DCLK1: variants seen among roughly 807,000 people sequenced by gnomAD.
DCLK1 encodes the protein serine/threonine-protein kinase DCLK1.
In DCLK1, 16 loss-of-function variants were observed where a neutral mutation model predicts 86.2. That is an observed-to-expected ratio of 0.19 (90% CI 0.13 to 0.28). The LOEUF is 0.28. Among genes scored for constraint, DCLK1 ranks in the 10% least tolerant of loss-of-function variants. The pLI, the probability that DCLK1 is intolerant of heterozygous loss-of-function variation, is 1.00. For synonymous variants in DCLK1, 369 were observed against 370.5 expected (o/e 1.00, Z 0.05); for missense variants, 590 against 940.2 (o/e 0.63, Z 4.87).
chr13:36,059,476 G>T (rs1410790995), intron 3 of DCLK1, among the ~76,000 whole-genome samples: 4 of 151,906 alleles, frequency 2.6e-5, no homozygotes, highest in Admixed American at 6.6e-5. Flanking sequence ...ATAAAATCAA[G>T]ATCTTTGTCC....
intron 4 of DCLK1, 36 bp from the exon 5 acceptor site, chr13:35,871,376 G>A: frequency 6.6e-7 from 1 of 1,516,254 alleles, no homozygotes; most frequent in South Asian, 1.1e-5. Flanking sequence ...TCATTATGGG[G>A]TAATGGCACA....
chr13:36,110,405 G>A (rs1355015339), intron 3 of DCLK1, among the ~76,000 whole-genome samples: 2 of 152,120 alleles, frequency 1.3e-5, no homozygotes, highest in East Asian at 1.9e-4. Context: ...CTTAGGGCAA[G>A]GGTTATAAGC....
chr13:35,878,299 G>A (rs1872698416), intron 4 of DCLK1, among the ~76,000 whole-genome samples: 1 of 152,184 alleles, frequency 6.6e-6, no homozygotes, highest in Non-Finnish European at 1.5e-5. Flanking sequence ...GCTTCTTGAG[G>A]AAAGGATGGG....
chr13:36,045,148 T>G (rs1882832333), intron 3 of DCLK1, among the ~76,000 whole-genome samples: 1 of 150,468 alleles, frequency 6.6e-6, no homozygotes, highest in African/African-American at 2.4e-5. Context: ...ATGTTTATAG[T>G]GAACACCTGT....
chr13:36,092,989 T>C (rs1478752211), intron 3 of DCLK1, among the ~76,000 whole-genome samples: 1 of 152,056 alleles, frequency 6.6e-6, no homozygotes, highest in Non-Finnish European at 1.5e-5. Flanking sequence ...AAAATGGCTT[T>C]GGAGAGGAAA....
intron 3 of DCLK1, among the ~76,000 whole-genome samples, chr13:36,036,323 T>G (rs572483429): frequency 6.6e-6 from 1 of 152,366 alleles, no homozygotes; most frequent in African/African-American, 2.4e-5. Context: ...TCTCTGCTGC[T>G]GCTGTGCACT....
At chr13:35,790,002 A>G (rs1429459384) in intron 16 of DCLK1, among the ~76,000 whole-genome samples, 1 of 151,968 alleles carries the variant, frequency 6.6e-6, no homozygotes, top group Non-Finnish European at 1.5e-5. Flanking sequence ...ACCTAATCCC[A>G]TGGCTTGACC....
intron 4 of DCLK1, among the ~76,000 whole-genome samples, chr13:35,916,604 C>T (rs1408337756): frequency 6.6e-6 from 1 of 152,150 alleles, no homozygotes; most frequent in Non-Finnish European, 1.5e-5. Context: ...ATATTTCCCT[C>T]TCTCTTTCTC....
intron 3 of DCLK1, among the ~76,000 whole-genome samples, chr13:36,071,051 A>G (rs1488438770): frequency 1.3e-5 from 2 of 152,180 alleles, no homozygotes; most frequent in East Asian, 3.9e-4. Flanking sequence ...GAGTCAGTCT[A>G]CAAGGAAATT....
intron 3 of DCLK1, among the ~76,000 whole-genome samples, chr13:35,988,215 C>A (rs1880039874): frequency 6.6e-6 from 1 of 152,240 alleles, no homozygotes; most frequent in Non-Finnish European, 1.5e-5. Flanking sequence ...TGCCAGGCTG[C>A]AACATGAGAT....
At position 35,890,426 on chromosome 13, in the gene DCLK1, C is replaced by T. The variant is rs542361757; in HGVS notation, c.824-19086G>A. On this transcript the variant is annotated intron_variant, in intron 4 of 16. Transcript: ENST00000360631. ...TTGGCCTATTTAGGTTGGCCTAATT[C>T]TTATTAATGACAGCATAGTATTCCA... Among the ~76,000 whole-genome samples, 402 of 152,222 alleles carry T rather than the reference C, an allele frequency of 2.6e-3. 2 individuals carry two copies. Among genetic ancestry groups the T allele is most frequent in the Non-Finnish European group, 2.8e-3 (189 of 68,000 alleles).
At chr13:35,891,891 C>T (rs1436977635) in intron 4 of DCLK1, among the ~76,000 whole-genome samples, 1 of 152,182 alleles carries the variant, frequency 6.6e-6, no homozygotes, top group Non-Finnish European at 1.5e-5. Flanking sequence ...GAGATCAGGG[C>T]AGATGGAGGG....
chr13:35,868,474 GT>G (rs1009784732), intron 5 of DCLK1, among the ~76,000 whole-genome samples: 3 of 152,098 alleles, frequency 2.0e-5, no homozygotes, highest in African/African-American at 7.2e-5. Flanking sequence ...CCCCACACTT[GT>G]TTTTTTATTC....
At chr13:36,117,600 C>T (rs1284522348) in intron 2 of DCLK1, among the ~76,000 whole-genome samples, 1 of 152,066 alleles carries the variant, frequency 6.6e-6, no homozygotes, top group African/African-American at 2.4e-5. Flanking sequence ...TGTTTATACC[C>T]ATAATCTCAT....
intron 4 of DCLK1, among the ~76,000 whole-genome samples, chr13:35,879,489 C>T (rs1872764009): frequency 6.6e-6 from 1 of 152,194 alleles, no homozygotes; most frequent in Admixed American, 6.5e-5. Flanking sequence ...TTCCTTTTCC[C>T]TAACAGTCAC....
Position 35,774,834 on chromosome 13 carries a change from T to G in DCLK1, c.2059-135A>C, listed in dbSNP as rs554107281. On this transcript the variant is annotated intron_variant, in intron 16 of 16. Coordinates refer to ENST00000360631, the MANE Select transcript of DCLK1 (RefSeq NM_001330071.2). ...CTGTCCATCATGGCACACTTTTTGT[T>G]GACAGTCACCACTCTCAGGGAGCCC... 443 of 1,000,388 alleles carry G rather than the reference T, an allele frequency of 4.4e-4. 1 individual carries two copies. Among genetic ancestry groups the G allele is most frequent in the Non-Finnish European group, 6.1e-4 (422 of 693,336 alleles). The allele number at this position is 1,000,388 out of a possible 1,614,324, so 62.0% of individuals were successfully genotyped here.
intron 3 of DCLK1, among the ~76,000 whole-genome samples, chr13:36,008,213 T>C (rs1881088632): frequency 9.5e-5 from 1 of 10,484 alleles, no homozygotes; most frequent in Admixed American, 1.7e-3. Context: ...ATTATTATTA[T>C]TATTATTATT....
At chr13:36,121,413 T>G (rs1395879081) in intron 2 of DCLK1, among the ~76,000 whole-genome samples, 1 of 152,162 alleles carries the variant, frequency 6.6e-6, no homozygotes, top group African/African-American at 2.4e-5. Flanking sequence ...CTGCATGCAG[T>G]TCTGAGTAGT....
chr13:35,966,565 G>A (rs1238006008), intron 3 of DCLK1, among the ~76,000 whole-genome samples: 1 of 139,660 alleles, frequency 7.2e-6, no homozygotes, highest in Non-Finnish European at 1.5e-5. Flanking sequence ...GCGGAGGCTG[G>A]ACTGTACTGC....
Sources: gnomAD v4.1 joint callset for allele counts (sites outside exome capture counted in the v4.1 genomes callset) on GRCh38, gnomAD v4.1.1 for gene constraint, MANE v1.5 for transcripts, NCBI Gene and HGNC (gene_info 2026-07-23, HGNC 2026-07-21) for gene names.